SCMH1: variants seen among roughly 807,000 people sequenced by gnomAD.
SCMH1 encodes the protein polycomb protein SCMH1.
In SCMH1, 37 loss-of-function variants were observed where a neutral mutation model predicts 70.8. The ratio of observed to expected loss-of-function variants is 0.52; its 90% confidence interval spans 0.40 to 0.69. The LOEUF (loss-of-function observed/expected upper bound fraction) is 0.69. SCMH1 is among the 30% of genes least tolerant of loss of function. SCMH1 has a pLI of 0.00. For synonymous variants in SCMH1, 292 were observed against 307.4 expected (o/e 0.95, Z 0.52); for missense variants, 607 against 827.3 (o/e 0.73, Z 3.27).
intron 1 of SCMH1, among the ~76,000 whole-genome samples, chr1:41,211,241 G>A (rs928016826): frequency 6.6e-6 from 1 of 152,180 alleles, no homozygotes; most frequent in Non-Finnish European, 1.5e-5. Flanking sequence ...TCTACAGAAT[G>A]GGAGAAAATT....
chr1:41,159,708 G>T, intron 4 of SCMH1: 2 of 1,529,132 alleles, frequency 1.3e-6, no homozygotes, highest in Admixed American at 2.1e-5. Context: ...CATTTATCAA[G>T]TGCCAGGCAC....
intron 2 of SCMH1, 47 bp downstream of exon 2, chr1:41,186,074 G>T: frequency 6.5e-7 from 1 of 1,542,994 alleles, no homozygotes; most frequent in African/African-American, 1.4e-5. Flanking sequence ...TCCTTGCTAG[G>T]TCTCTTAATC....
chr1:41,121,490 C>T (rs1220749443), intron 6 of SCMH1, among the ~76,000 whole-genome samples: 1 of 152,142 alleles, frequency 6.6e-6, no homozygotes, highest in Non-Finnish European at 1.5e-5. Flanking sequence ...TAATTTGAGG[C>T]TCTATTCAAA....
chr1:41,207,970 T>C (rs1202127985), intron 1 of SCMH1, among the ~76,000 whole-genome samples: 2 of 134,926 alleles, frequency 1.5e-5, no homozygotes, highest in African/African-American at 2.8e-5. Flanking sequence ...TAAAGACACA[T>C]GCACACGTAT....
intron 2 of SCMH1, among the ~76,000 whole-genome samples, chr1:41,179,928 C>T (rs1164845476): frequency 6.6e-6 from 1 of 152,138 alleles, no homozygotes; most frequent in Admixed American, 6.5e-5. Flanking sequence ...GAATTTTAGA[C>T]CAATATCCTT....
intron 8 of SCMH1, among the ~76,000 whole-genome samples, chr1:41,104,404 A>G (rs1369944438): frequency 1.3e-5 from 2 of 152,204 alleles, no homozygotes; most frequent in Admixed American, 1.3e-4. Flanking sequence ...GACACAATAT[A>G]TCTGAGAGGG....
At chr1:41,179,175 C>A (rs934856510) in intron 2 of SCMH1, among the ~76,000 whole-genome samples, 1 of 152,088 alleles carries the variant, frequency 6.6e-6, no homozygotes, top group Non-Finnish European at 1.5e-5. Flanking sequence ...TAAAGATGTT[C>A]TTTGAAACCA....
chr1:41,047,856 T>TA (rs1328202743), intron 11 of SCMH1, among the ~76,000 whole-genome samples: 1 of 152,220 alleles, frequency 6.6e-6, no homozygotes, highest in Non-Finnish European at 1.5e-5. Context: ...TTTTCACTGG[T>TA]ATGGAGCCTA....
At chr1:41,119,120 G>T (rs1671259578) in intron 6 of SCMH1, among the ~76,000 whole-genome samples, 3 of 152,172 alleles carry the variant, frequency 2.0e-5, no homozygotes, top group Admixed American at 2.0e-4. Context: ...TGACTCCTGA[G>T]CCCACACTTT....
chr1:41,173,831 G>C (rs1391350830), intron 2 of SCMH1, among the ~76,000 whole-genome samples: 1 of 152,030 alleles, frequency 6.6e-6, no homozygotes, highest in South Asian at 2.1e-4. Flanking sequence ...TTAGCTTGTA[G>C]AACATCAGGT....
intron 8 of SCMH1, among the ~76,000 whole-genome samples, chr1:41,080,537 C>CTA (rs1659680694): frequency 6.6e-6 from 1 of 152,016 alleles, no homozygotes; most frequent in South Asian, 2.1e-4. Flanking sequence ...ATATACAATC[C>CTA]TATATATATC....
At chr1:41,186,294 A>C (rs1650173842) in intron 1 of SCMH1, 44 bp from the exon 2 acceptor site, 6 of 565,656 alleles carry the variant, frequency 1.1e-5, no homozygotes, top group Non-Finnish European at 1.7e-5. Flanking sequence ...AACATTTATT[A>C]CCTGTAAAGT....
At chr1:41,073,560 C>G (rs552077810) in intron 9 of SCMH1, among the ~76,000 whole-genome samples, 2 of 152,186 alleles carry the variant, frequency 1.3e-5, no homozygotes, top group South Asian at 2.1e-4. Context: ...GGAGGTGATA[C>G]TGAGAATTCG....
chr1:41,041,181 C>A (rs1646116906), intron 12 of SCMH1: 1 of 151,986 alleles, frequency 6.6e-6, no homozygotes, highest in Admixed American at 6.6e-5. Context: ...AACGCAGGAC[C>A]CAAAGACATA....
chr1:41,205,319 A>C (rs1655264167), intron 1 of SCMH1, among the ~76,000 whole-genome samples: 1 of 152,198 alleles, frequency 6.6e-6, no homozygotes, highest in Non-Finnish European at 1.5e-5. Context: ...TGCACCTGGA[A>C]AATCAGTACA....
chr1:41,150,666 G>A (rs1019021115), intron 5 of SCMH1, among the ~76,000 whole-genome samples: 6 of 151,994 alleles, frequency 3.9e-5, no homozygotes, highest in Admixed American at 3.3e-4. Flanking sequence ...GCCGGGCACG[G>A]TGGCTCATGC....
At chr1:41,044,705 T>C (rs1646681694) in intron 12 of SCMH1, among the ~76,000 whole-genome samples, 1 of 152,054 alleles carries the variant, frequency 6.6e-6, no homozygotes, top group Non-Finnish European at 1.5e-5. Context: ...CAGAATGTGA[T>C]ACCTTGGTCT....
intron 6 of SCMH1, among the ~76,000 whole-genome samples, chr1:41,142,064 G>GT (rs1644136399): frequency 1.3e-5 from 2 of 152,036 alleles, no homozygotes; most frequent in African/African-American, 4.8e-5. Flanking sequence ...AACAATGAAG[G>GT]TTACATGAGC....
chr1:41,179,611 T>C (rs1648093269), intron 2 of SCMH1, among the ~76,000 whole-genome samples: 1 of 152,184 alleles, frequency 6.6e-6, no homozygotes. Context: ...CTAGGATATC[T>C]AGAAGAAATG....
Sources: gnomAD v4.1 joint callset for allele counts (sites outside exome capture counted in the v4.1 genomes callset) on GRCh38, gnomAD v4.1.1 for gene constraint, MANE v1.5 for transcripts, NCBI Gene and HGNC (gene_info 2026-07-23, HGNC 2026-07-21) for gene names.